Variants in SHOC1 observed in about 807,000 individuals in gnomAD.
The protein encoded by SHOC1 is shortage in chiasmata 1.
A neutral mutation model predicts 179.2 loss-of-function variants in SHOC1; 136 were observed. That is an observed-to-expected ratio of 0.76 (90% CI 0.66 to 0.87). SHOC1 has a LOEUF of 0.87. Ranked by LOEUF, SHOC1 falls within the 40% of genes least tolerant of loss-of-function variation. SHOC1 has a pLI of 0.00. For synonymous variants in SHOC1, 489 were observed against 586.6 expected, an observed-to-expected ratio of 0.83 and a Z score of 2.41; for missense variants, 1,538 against 1,700.8, an observed-to-expected ratio of 0.90 and a Z score of 1.68.
In SHOC1 at chr9:111,706,562, T is replaced by G; in HGVS notation, c.2737+6A>C. The G allele has an allele frequency of 6.7e-7, 1 of 1,495,038 alleles. No homozygotes were observed. Among genetic ancestry groups the G allele is most frequent in the South Asian group, 1.4e-5 (1 of 71,238 alleles). 92.6% of individuals were successfully genotyped at this position (1,495,038 alleles called of 1,614,324 possible). Reference sequence around the variant, plus strand: ...GCAAAAAAAGGATTTTGGCTTATATTCTTACTTTCTAAAACTGTGTCTGGA... The same window carrying G: ...GCAAAAAAAGGATTTTGGCTTATATGCTTACTTTCTAAAACTGTGTCTGGA... On this transcript the variant is annotated splice_donor_region_variant and intron_variant, in intron 20 of 27. Coordinates refer to ENST00000682961, the MANE Select transcript of SHOC1 (RefSeq NM_001378211.1).
At chr9:111,774,694 CTCTCTATA>C (rs1218699372) in intron 5 of SHOC1, among the ~76,000 whole-genome samples, 1 of 152,074 alleles carries the variant, frequency 6.6e-6, no homozygotes, top group East Asian at 1.9e-4. Flanking sequence ...CTCTCTCTCT[CTCTCTATA>C]TATATATCAT....
At chr9:111,728,693 G>C (rs1022919717) in intron 12 of SHOC1, among the ~76,000 whole-genome samples, 1 of 152,130 alleles carries the variant, frequency 6.6e-6, no homozygotes, top group African/African-American at 2.4e-5. Flanking sequence ...ACCACTAATG[G>C]GTACAGGATT....
chr9:111,692,797 T>C (rs1187308602), intron 26 of SHOC1, among the ~76,000 whole-genome samples: 3 of 152,200 alleles, frequency 2.0e-5, no homozygotes, highest in Admixed American at 6.5e-5. Context: ...AATTCATACA[T>C]GAATACTATT....
chr9:111,782,719 A>AAAAAAC (rs937507224), intron 3 of SHOC1, among the ~76,000 whole-genome samples: 1 of 152,144 alleles, frequency 6.6e-6, no homozygotes, highest in Non-Finnish European at 1.5e-5. Flanking sequence ...AGGTCTAAAA[A>AAAAAAC]AAAAACAAAA....
chr9:111,708,042 A>G (rs1832359456), intron 18 of SHOC1, 118 bp from the exon 19 acceptor site: 1 of 541,074 alleles, frequency 1.8e-6, no homozygotes, highest in African/African-American at 2.0e-5. Flanking sequence ...AAACTGCTTA[A>G]AATACAATTT....
In SHOC1 at chr9:111,723,821, G is replaced by A; in HGVS notation, c.1925C>T (p.Thr642Ile). 6.2e-7 allele frequency: 1 copy of A among 1,611,918 alleles called. No individual in the cohort carries two copies. The highest frequency in any genetic ancestry group is 1.1e-5 in the South Asian group (1 of 90,850). The change falls in exon 14 of 28, where the codon ACA becomes ATA. Residue 642 changes from threonine to isoleucine, a missense_variant. By Grantham distance (89) the Thr-to-Ile change is moderately conservative. Coordinates refer to ENST00000682961, the MANE Select transcript of SHOC1 (RefSeq NM_001378211.1). ...CGCTTGAATTTCAATGACACTATCT[G>A]TTCCCCTTTCCTGATTTATTTCCTC... ...TLEEINQERG[T>I]DSVIEIQASD...
At chr9:111,700,186 GT>G (rs1024396692) in intron 23 of SHOC1, 139 bp from the exon 24 acceptor site, 32 of 448,060 alleles carry the variant, frequency 7.1e-5, no homozygotes, top group South Asian at 1.0e-4. Context: ...AATTTGTGGG[GT>G]TTTTTTTTCC....
intron 24 of SHOC1, among the ~76,000 whole-genome samples, chr9:111,697,411 A>T (rs1831750147): frequency 6.6e-6 from 1 of 152,064 alleles, no homozygotes; most frequent in Non-Finnish European, 1.5e-5. Context: ...CTCATTGTTC[A>T]ATTCCCACCT....
rs1205861813 is a variant in SHOC1, at chr9:111,746,273, G to A, written c.1040C>T (p.Thr347Ile). The change falls in exon 10 of 28, where the codon ACA becomes ATA. Residue 347 changes from threonine (T) to isoleucine (I), a missense_variant. Thr to Ile is a moderately conservative substitution (Grantham distance 89). Coordinates refer to ENST00000682961, the MANE Select transcript of SHOC1 (RefSeq NM_001378211.1). ...AGATAATGGAAATGTCTGAAGTTCT[G>A]TACGTAATGAATTCACTGAAGAATG... The part of the protein sequence containing the change: ...CQHSSVNSLR[T>I]ELQTFPLSPV... 2 of 1,611,444 alleles carry A rather than the reference G, an allele frequency of 1.2e-6. No homozygotes were observed. Among genetic ancestry groups the A allele is most frequent in the Non-Finnish European group, 1.7e-6 (2 of 1,177,846 alleles).
At chr9:111,757,893 G>A (rs1834941451) in intron 7 of SHOC1, among the ~76,000 whole-genome samples, 191 bp downstream of exon 7, 1 of 152,024 alleles carries the variant, frequency 6.6e-6, no homozygotes, top group African/African-American at 2.4e-5. Context: ...TAACTATTCA[G>A]GTAATTCCAA....
intron 8 of SHOC1, among the ~76,000 whole-genome samples, chr9:111,749,171 T>A (rs928773016): frequency 6.6e-6 from 1 of 152,124 alleles, no homozygotes; most frequent in Admixed American, 6.6e-5. Flanking sequence ...TGTATTTTGT[T>A]TTTTGAAATT....
chr9:111,721,760 G>T (rs887963466), intron 15 of SHOC1, among the ~76,000 whole-genome samples: 3 of 152,186 alleles, frequency 2.0e-5, no homozygotes, highest in Admixed American at 2.0e-4. Context: ...ACTCTTATCT[G>T]TCTTGGTCTC....
chr9:111,753,009 T>TC (rs1277868398), intron 8 of SHOC1, among the ~76,000 whole-genome samples: 1 of 151,954 alleles, frequency 6.6e-6, no homozygotes, highest in East Asian at 1.9e-4. Context: ...GCCCAGGAGT[T>TC]CAAGACCAGC....
chr9:111,762,550 T>C (rs1835183088), intron 5 of SHOC1, among the ~76,000 whole-genome samples: 1 of 152,154 alleles, frequency 6.6e-6, no homozygotes, highest in African/African-American at 2.4e-5. Context: ...ATGATCACAA[T>C]AGTAAAACAA....
At chr9:111,738,170 G>A (rs1833888100) in intron 12 of SHOC1, 110 bp downstream of exon 12, 7 of 945,800 alleles carry the variant, frequency 7.4e-6, no homozygotes, top group South Asian at 1.8e-5. Flanking sequence ...GGGCCTATAT[G>A]GAATGCTAGA....
intron 20 of SHOC1, among the ~76,000 whole-genome samples, chr9:111,706,264 T>C (rs928580647): frequency 2.6e-5 from 4 of 152,112 alleles, no homozygotes; most frequent in Admixed American, 1.3e-4. Context: ...AAAAATACTA[T>C]TGCATAAAAG....
chr9:111,703,047 C>T (rs1832056562), intron 22 of SHOC1, among the ~76,000 whole-genome samples: 1 of 152,108 alleles, frequency 6.6e-6, no homozygotes, highest in Non-Finnish European at 1.5e-5. Context: ...GAGTTCGAGG[C>T]TGCAGTGAGC....
rs762049568 is a variant in SHOC1 at position 111,703,919 on chromosome 9, C to G, written c.2929G>C (p.Val977Leu). 1.2e-6 allele frequency: 2 copies of G among 1,609,794 alleles called. No homozygotes were observed. The highest frequency in any genetic ancestry group is 1.7e-6 in the Non-Finnish European group (2 of 1,177,850). Residue 977 changes from valine (V) to leucine (L), a missense_variant, in exon 22 of 28, where the codon GTG becomes CTG. Transcript: ENST00000682961. The part of the protein sequence containing the change: ...KLFGSSECYV[V>L]VTIDEHTAII... ...GCAGTGTGTTCATCAATTGTCACCA[C>G]TACATAACACTCTGAACTTCCAAAG...
intron 24 of SHOC1, among the ~76,000 whole-genome samples, chr9:111,694,812 G>A (rs1831615774): frequency 6.6e-6 from 1 of 151,914 alleles, no homozygotes; most frequent in Admixed American, 6.6e-5. Context: ...ACTTATAAAT[G>A]AATTTGATGT....
Sources: allele counts gnomAD v4.1 joint callset (sites outside exome capture counted in the v4.1 genomes callset), GRCh38; gene constraint gnomAD v4.1.1; transcripts MANE v1.5; gene names NCBI Gene and HGNC (gene_info 2026-07-23, HGNC 2026-07-21).